FBXL17: variants seen among roughly 807,000 people sequenced by gnomAD.
FBXL17 encodes F-box and leucine rich repeat protein 17, also known as F-box/LRR-repeat protein 17.
Under a neutral mutation model 66.2 loss-of-function variants are expected in FBXL17, and 22 were observed. The ratio of observed to expected loss-of-function variants is 0.33; its 90% CI spans 0.24 to 0.47. FBXL17 has a LOEUF of 0.47. FBXL17 is among the 20% of genes least tolerant of loss of function. FBXL17 has a pLI of 1.00. For missense variants in FBXL17, 878 were observed against 948.2 expected (o/e 0.93, Z 0.97); for synonymous variants, 474 against 400.5 (o/e 1.18, Z -2.19).
chr5:108,220,271 G>A (rs1249338965), intron 5 of FBXL17, among the ~76,000 whole-genome samples: 1 of 151,972 alleles, frequency 6.6e-6, no homozygotes, highest in Non-Finnish European at 1.5e-5. Context: ...CTGAAATCTG[G>A]CTGTTTTGGT....
chr5:108,246,850 GA>G (rs1756121094), intron 4 of FBXL17, among the ~76,000 whole-genome samples: 1 of 152,136 alleles, frequency 6.6e-6, no homozygotes, highest in South Asian at 2.1e-4. Flanking sequence ...AAATCATCAA[GA>G]AAAGCATATA....
At chr5:108,000,865 G>T (rs988340378) in intron 7 of FBXL17, among the ~76,000 whole-genome samples, 1 of 152,158 alleles carries the variant, frequency 6.6e-6, no homozygotes, top group African/African-American at 2.4e-5. Context: ...TTGTTGAAAA[G>T]AAAAAGAGGA....
At chr5:107,940,070 T>C (rs754635604) in intron 7 of FBXL17, among the ~76,000 whole-genome samples, 4 of 152,170 alleles carry the variant, frequency 2.6e-5, no homozygotes, top group African/African-American at 4.8e-5. Context: ...GCCTCTGAAG[T>C]AGGCCAAGAG....
At position 108,078,439 on chromosome 5, in the gene FBXL17, G is replaced by A. The variant is rs539835099; in HGVS notation, c.1746-57438C>T. On this transcript the variant is annotated intron_variant, in intron 6 of 8. Transcript: ENST00000542267. ...ATTTTACTCCAAAATATATTTCTTT[G>A]ACATATTTTGAGATGACTGTCAGAA... Among the ~76,000 whole-genome samples, 7 of 152,212 alleles carry A rather than the reference G, an allele frequency of 4.6e-5. No individual in the cohort carries two copies. The South Asian group carries it at 1.5e-3, about 32-fold the overall frequency.
chr5:108,259,126 A>C (rs545515310), intron 4 of FBXL17, among the ~76,000 whole-genome samples: 53 of 152,294 alleles, frequency 3.5e-4, no homozygotes, highest in Non-Finnish European at 4.4e-4. Context: ...ATTAGAATTG[A>C]AGAAAAGACA....
chr5:107,988,705 C>A (rs534250465), intron 7 of FBXL17, among the ~76,000 whole-genome samples: 48 of 151,952 alleles, frequency 3.2e-4, no homozygotes, highest in Admixed American at 8.5e-4. Flanking sequence ...GGATGAAATT[C>A]TTTTATTATA....
chr5:108,172,308 C>T (rs1459885084), intron 6 of FBXL17, among the ~76,000 whole-genome samples: 7 of 152,140 alleles, frequency 4.6e-5, no homozygotes, highest in South Asian at 2.1e-4. Flanking sequence ...AGGCCCACAA[C>T]GAAATTTCCA....
intron 8 of FBXL17, chr5:107,878,547 C>A: frequency 1.1e-6 from 1 of 944,084 alleles, no homozygotes; most frequent in Non-Finnish European, 1.3e-6. Context: ...AAGCCCAGAT[C>A]TGAACCTGAA....
rs577903631 is a variant in FBXL17, at chr5:108,079,158, T to C, written c.1746-58157A>G. Among the ~76,000 whole-genome samples, 495 of 146,926 alleles carry C rather than the reference T, an allele frequency of 3.4e-3. 3 individuals are homozygous for C. The highest frequency in any genetic ancestry group is 0.012 in the African/African-American group (469 of 40,350). On this transcript the variant is annotated intron_variant, in intron 6 of 8. Coordinates refer to ENST00000542267, the MANE Select transcript of FBXL17 (RefSeq NM_001163315.3). ...GTCACCAGGCCTAACCTCTCTTTCT[T>C]TTTTTTTTTTTTTATTAATCTGCCT...
Position 107,961,281 on chromosome 5 carries a change from C to T in FBXL17, c.1822+59644G>A, listed in dbSNP as rs181887889. The stretch of plus-strand genomic sequence containing the variant: ...GCTCTGTTGCCCAGGCTGGAGTGCA[C>T]TGGTGCAATCTTGGCTCACTGCAGC... On this transcript the variant is annotated intron_variant, in intron 7 of 8. Coordinates refer to ENST00000542267, the MANE Select transcript of FBXL17 (RefSeq NM_001163315.3). Among the ~76,000 whole-genome samples, 268 of 151,034 alleles carry T rather than the reference C, an allele frequency of 1.8e-3. 2 individuals are homozygous for T. The highest frequency in any genetic ancestry group is 6.3e-3 in the African/African-American group (258 of 41,170).
At chr5:108,212,532 CCTTT>C (rs1303312454) in intron 5 of FBXL17, among the ~76,000 whole-genome samples, 1 of 152,072 alleles carries the variant, frequency 6.6e-6, no homozygotes, top group Non-Finnish European at 1.5e-5. Flanking sequence ...ACATGCTCTT[CCTTT>C]CTGTTTCTTA....
At chr5:108,194,155 C>G (rs6860212) in intron 5 of FBXL17, among the ~76,000 whole-genome samples, 51,392 of 152,004 alleles carry the variant, frequency 0.34, 9,461 homozygotes, top group East Asian at 0.63. Context: ...CTACCATTCC[C>G]TGAAATCTGT....
At chr5:108,221,582 T>C (rs1028481118) in intron 5 of FBXL17, among the ~76,000 whole-genome samples, 2 of 152,184 alleles carry the variant, frequency 1.3e-5, no homozygotes, top group African/African-American at 4.8e-5. Context: ...AGAGATTTTC[T>C]AAAGCATGTA....
chr5:108,223,243 G>A (rs758525609), intron 5 of FBXL17, among the ~76,000 whole-genome samples: 2 of 152,048 alleles, frequency 1.3e-5, no homozygotes, highest in South Asian at 2.1e-4. Context: ...CCATTAAACT[G>A]TAAGCTCAAA....
intron 6 of FBXL17, among the ~76,000 whole-genome samples, chr5:108,101,132 C>T (rs1016896225): frequency 1.3e-5 from 2 of 152,220 alleles, no homozygotes; most frequent in African/African-American, 4.8e-5. Context: ...ATTTTTACAT[C>T]AGCCACTTGT....
At chr5:108,161,201 A>C (rs1752203989) in intron 6 of FBXL17, among the ~76,000 whole-genome samples, 2 of 115,434 alleles carry the variant, frequency 1.7e-5, no homozygotes, top group South Asian at 8.1e-4. Context: ...TACATACCCC[A>C]GCCCAGCGCA....
intron 4 of FBXL17, among the ~76,000 whole-genome samples, chr5:108,331,400 C>T (rs1029726279): frequency 1.3e-5 from 2 of 152,084 alleles, no homozygotes; most frequent in Admixed American, 1.3e-4. Flanking sequence ...AAACTGTGTA[C>T]GAGATAAATA....
chr5:108,235,920 T>C (rs1474473506), intron 4 of FBXL17, among the ~76,000 whole-genome samples: 1 of 152,236 alleles, frequency 6.6e-6, no homozygotes, highest in African/African-American at 2.4e-5. Context: ...AACAGAACTA[T>C]TGATTTTATT....
Position 108,239,748 on chromosome 5 carries a change from G to C in FBXL17, c.1507-15520C>G, listed in dbSNP as rs145933981. The stretch of plus-strand genomic sequence containing the variant: ...GAGCTGGGGGACCAAGGGAGTGCTT[G>C]TACCACCCCTTCCTCACCCCTAGGC... On this transcript the variant is annotated intron_variant, in intron 4 of 8. Coordinates refer to ENST00000542267, the MANE Select transcript of FBXL17 (RefSeq NM_001163315.3). Among the ~76,000 whole-genome samples the C allele has an allele frequency of 2.3e-4, 35 of 152,106 alleles. No individual in the cohort carries two copies. In the East Asian group the frequency reaches 2.9e-3, roughly 13 times the overall value.
Sources: allele counts gnomAD v4.1 joint callset (sites outside exome capture counted in the v4.1 genomes callset), GRCh38; gene constraint gnomAD v4.1.1; transcripts MANE v1.5; gene names NCBI Gene and HGNC (gene_info 2026-07-23, HGNC 2026-07-21).